The following ZNHIT6 variants were observed in gnomAD, a reference collection of about 807,000 sequenced individuals.
ZNHIT6 encodes the protein box C/D snoRNA protein 1.
Under a neutral mutation model 57.2 loss-of-function variants are expected in ZNHIT6, and 45 were observed. That is an observed-to-expected ratio of 0.79 (90% CI 0.62 to 1.01). ZNHIT6 has a LOEUF of 1.01. Ranked by LOEUF, ZNHIT6 falls within the 50% of genes least tolerant of loss-of-function variation. The pLI, the probability that ZNHIT6 is intolerant of heterozygous loss-of-function variation, is 0.00. For synonymous variants in ZNHIT6, 188 were observed against 190.0 expected, an observed-to-expected ratio of 0.99 and a Z score of 0.09; for missense variants, 528 against 567.3, an observed-to-expected ratio of 0.93 and a Z score of 0.70.
Position 85,695,914 on chromosome 1 carries a change from T to G in ZNHIT6, c.1019+6243A>C, listed in dbSNP as rs927701880. 2.9e-4 allele frequency among the ~76,000 whole-genome samples: 44 copies of G among 152,290 alleles called. 1 individual carries two copies. The highest frequency in any genetic ancestry group is 9.9e-4 in the African/African-American group (41 of 41,554). ...AGCCAGGTGTGGTGGCATGTGCCTGTAGTTCCAGCTACTCGGGAGACTGAG... is the reference window on the plus strand; with the variant it reads ...AGCCAGGTGTGGTGGCATGTGCCTGGAGTTCCAGCTACTCGGGAGACTGAG... On this transcript the variant is annotated intron_variant, in intron 5 of 9. Coordinates refer to ENST00000370574, the MANE Select transcript of ZNHIT6 (RefSeq NM_017953.4).
chr1:85,684,502 T>C (rs562815740), intron 5 of ZNHIT6, among the ~76,000 whole-genome samples: 1 of 152,174 alleles, frequency 6.6e-6, no homozygotes, highest in African/African-American at 2.4e-5. Context: ...ATATACAGTG[T>C]ATCTATGGTA....
chr1:85,677,227 C>G lies in ZNHIT6; in HGVS notation c.1247+9G>C. 1 of 1,577,004 alleles carries G rather than the reference C, an allele frequency of 6.3e-7. No homozygotes were observed. Among genetic ancestry groups the G allele is most frequent in the Non-Finnish European group, 8.6e-7 (1 of 1,166,404 alleles). Reference sequence around the variant, plus strand: ...ATATTTAAAGAAATGGGGAGGGGAGCAATTTTACCTTACTAAATTTTGCTG... The same window carrying G: ...ATATTTAAAGAAATGGGGAGGGGAGGAATTTTACCTTACTAAATTTTGCTG... On this transcript the variant is annotated intron_variant, in intron 8 of 9. Transcript: ENST00000370574.
intron 5 of ZNHIT6, among the ~76,000 whole-genome samples, chr1:85,693,146 A>G (rs1216906631): frequency 6.6e-6 from 1 of 152,204 alleles, no homozygotes; most frequent in Non-Finnish European, 1.5e-5. Flanking sequence ...ACTGAGGGCC[A>G]ATATCATTTG....
At chr1:85,699,037 T>C (rs1662457217) in intron 5 of ZNHIT6, among the ~76,000 whole-genome samples, 1 of 152,102 alleles carries the variant, frequency 6.6e-6, no homozygotes, top group Non-Finnish European at 1.5e-5. Context: ...ACCTAATGTA[T>C]AATCAAATAG....
intron 8 of ZNHIT6, among the ~76,000 whole-genome samples, chr1:85,668,535 T>G (rs949511483): frequency 6.6e-6 from 1 of 152,224 alleles, no homozygotes; most frequent in Non-Finnish European, 1.5e-5. Context: ...GTTAATACTG[T>G]TCTTAGAAAT....
chr1:85,671,477 T>C (rs955775001), intron 8 of ZNHIT6, among the ~76,000 whole-genome samples: 2 of 152,114 alleles, frequency 1.3e-5, no homozygotes, highest in Admixed American at 6.6e-5. Context: ...TTTTTTTTTT[T>C]CAAAATGAAT....
chr1:85,702,304 TA>T, intron 4 of ZNHIT6, 44 bp from the exon 5 acceptor site: 1 of 1,212,038 alleles, frequency 8.3e-7, no homozygotes, highest in African/African-American at 1.5e-5. Context: ...TTAAATTCCT[TA>T]AATTTAAAAA....
At chr1:85,670,874 G>A (rs907206770) in intron 8 of ZNHIT6, among the ~76,000 whole-genome samples, 1 of 152,158 alleles carries the variant, frequency 6.6e-6, no homozygotes, top group Non-Finnish European at 1.5e-5. Context: ...TCTTACGCCT[G>A]GCTTACTAGA....
intron 1 of ZNHIT6, 25 bp downstream of exon 1, chr1:85,707,604 C>A: frequency 2.6e-6 from 4 of 1,528,334 alleles, no homozygotes; most frequent in Non-Finnish European, 3.5e-6. Flanking sequence ...CTTTATTCCC[C>A]TAAATGGAAT....
chr1:85,700,475 T>C (rs1403686349), intron 5 of ZNHIT6, among the ~76,000 whole-genome samples: 2 of 151,208 alleles, frequency 1.3e-5, no homozygotes, highest in African/African-American at 4.9e-5. Context: ...ACCCGGGGAG[T>C]TTCAAAACAA....
intron 8 of ZNHIT6, among the ~76,000 whole-genome samples, chr1:85,664,477 T>C (rs185538991): frequency 3.3e-4 from 50 of 152,316 alleles, no homozygotes; most frequent in Admixed American, 1.6e-3. Context: ...TTTCCTTGGA[T>C]TGGGGCTTGC....
chr1:85,658,147 G>C (rs1350868645), intron 8 of ZNHIT6, among the ~76,000 whole-genome samples, 176 bp from the exon 9 acceptor site: 1 of 152,052 alleles, frequency 6.6e-6, no homozygotes, highest in East Asian at 1.9e-4. Flanking sequence ...AGGTACAAGA[G>C]CTATTATTAT....
rs745722916 is a variant in ZNHIT6, at chr1:85,708,320, C to A, written c.-36G>T. 1.7e-5 allele frequency: 26 copies of A among 1,557,366 alleles called. No homozygotes were observed. Among genetic ancestry groups the A allele is most frequent in the Non-Finnish European group, 2.1e-5 (24 of 1,151,822 alleles). On this transcript the variant is annotated 5_prime_UTR_variant, in exon 1 of 10. Coordinates refer to ENST00000370574, the MANE Select transcript of ZNHIT6 (RefSeq NM_017953.4). ...TCCTTGGCCTCTGCTGCCACTCTATCCTTCAATGTGGCTGCTGCACACCAA... is the reference window on the plus strand; with the variant it reads ...TCCTTGGCCTCTGCTGCCACTCTATACTTCAATGTGGCTGCTGCACACCAA...
intron 8 of ZNHIT6, among the ~76,000 whole-genome samples, chr1:85,664,843 T>C (rs1220097036): frequency 6.6e-6 from 1 of 152,156 alleles, no homozygotes; most frequent in Non-Finnish European, 1.5e-5. Flanking sequence ...TTGTTTTGTT[T>C]TGTTTTGAGA....
intron 5 of ZNHIT6, among the ~76,000 whole-genome samples, chr1:85,683,361 A>C (rs1366272777): frequency 6.6e-6 from 1 of 152,124 alleles, no homozygotes; most frequent in Admixed American, 6.5e-5. Flanking sequence ...TACTAAAAAC[A>C]CAAAAAATTA....
intron 4 of ZNHIT6, among the ~76,000 whole-genome samples, chr1:85,703,873 A>G (rs900789300): frequency 6.6e-6 from 1 of 152,230 alleles, no homozygotes; most frequent in African/African-American, 2.4e-5. Context: ...TTTATAACAT[A>G]CAACCAACTT....
intron 5 of ZNHIT6, among the ~76,000 whole-genome samples, chr1:85,692,882 C>G (rs1425914686): frequency 6.6e-6 from 1 of 151,890 alleles, no homozygotes; most frequent in African/African-American, 2.4e-5. Flanking sequence ...TTTTTGAATT[C>G]ATAAAAGCTT....
At chr1:85,663,204 T>A (rs111307294) in intron 8 of ZNHIT6, among the ~76,000 whole-genome samples, 8 of 152,290 alleles carry the variant, frequency 5.3e-5, no homozygotes, top group African/African-American at 1.9e-4. Context: ...AGTAATAAGA[T>A]TTTATACTCC....
In ZNHIT6 at chr1:85,696,855, T is replaced by TC. The variant is rs1269279755; in HGVS notation, c.1019+5301_1019+5302insG. On this transcript the variant is annotated intron_variant, in intron 5 of 9. Coordinates refer to ENST00000370574, the MANE Select transcript of ZNHIT6 (RefSeq NM_017953.4). Reference sequence around the variant, plus strand: ...TATCTTTCTATGACCATCTATTCTTTTTTTTTTTTTTTTTGGAGACAGAGT... The same window carrying TC: ...TATCTTTCTATGACCATCTATTCTTTCTTTTTTTTTTTTTTGGAGACAGAGT... Among the ~76,000 whole-genome samples the TC allele has an allele frequency of 7.6e-5, 11 of 144,094 alleles. No individual in the cohort carries two copies. In the East Asian group the frequency reaches 2.2e-3, roughly 29 times the overall value. The allele number at this position is 144,094 out of a possible 152,430, so 94.5% of individuals were successfully genotyped here.
Sources: gnomAD v4.1 joint callset for allele counts (sites outside exome capture counted in the v4.1 genomes callset) on GRCh38, gnomAD v4.1.1 for gene constraint, MANE v1.5 for transcripts, NCBI Gene and HGNC (gene_info 2026-07-23, HGNC 2026-07-21) for gene names.